ARHGAP35: variants seen among roughly 807,000 people sequenced by gnomAD.
The protein encoded by ARHGAP35 is Rho GTPase activating protein 35, also known as rho GTPase-activating protein 35.
In ARHGAP35, 15 loss-of-function variants were observed where a neutral mutation model predicts 111.1. The observed-to-expected ratio is 0.13, with a 90% CI of 0.09 to 0.21. The LOEUF (loss-of-function observed/expected upper bound fraction) is 0.21, where lower values mean the gene tolerates loss of function less well. Among genes scored for constraint, ARHGAP35 ranks in the 10% least tolerant of loss-of-function variants. The probability of loss-of-function intolerance (pLI) is 1.00; values close to 1 mark genes in which losing one functional copy is unlikely to be tolerated. For synonymous variants in ARHGAP35, 643 were observed against 710.3 expected, an observed-to-expected ratio of 0.91 and a Z score of 1.51; for missense variants, 1,262 against 1,873.0, an observed-to-expected ratio of 0.67 and a Z score of 6.02.
chr19:46,995,919 G>A (rs1337895522), intron 5 of ARHGAP35, among the ~76,000 whole-genome samples: 1 of 152,186 alleles, frequency 6.6e-6, no homozygotes, highest in South Asian at 2.1e-4. Context: ...GAGCAGAAGG[G>A]CCTCTCGCCC....
At chr19:46,883,103 T>C (rs896060968) in intron 1 of ARHGAP35, among the ~76,000 whole-genome samples, 4 of 148,598 alleles carry the variant, frequency 2.7e-5, no homozygotes, top group Non-Finnish European at 6.0e-5. Context: ...GCCTAATTTC[T>C]TTTTTTTTTG....
intron 5 of ARHGAP35, among the ~76,000 whole-genome samples, chr19:46,996,590 A>G (rs984177849): frequency 1.3e-5 from 2 of 152,148 alleles, no homozygotes; most frequent in Non-Finnish European, 1.5e-5. Context: ...CCCAGCTCTT[A>G]TGTAAAGGTG....
intron 1 of ARHGAP35, among the ~76,000 whole-genome samples, chr19:46,874,368 G>T (rs2055904387): frequency 2.0e-5 from 3 of 152,196 alleles, no homozygotes; most frequent in South Asian, 2.1e-4. Context: ...GTTTTTACTT[G>T]ATCTTATCTT....
At chr19:46,937,542 T>G in intron 3 of ARHGAP35, 134 bp downstream of exon 3, 1 of 985,576 alleles carries the variant, frequency 1.0e-6, no homozygotes, top group Non-Finnish European at 1.5e-6. Flanking sequence ...AGCTGAGCAG[T>G]CCCAACAGTT....
rs1441425988 is a variant in ARHGAP35, at chr19:46,989,329, G to A, written c.3905-215G>A. On this transcript the variant is annotated intron_variant, in intron 4 of 6. Coordinates refer to ENST00000672722, the MANE Select transcript of ARHGAP35 (RefSeq NM_004491.5). This position sits in a 1 kb window ranked among gnomAD's most constrained non-coding sequence, Gnocchi z 5.3. Reference sequence around the variant, plus strand: ...TGCCCCGAGAGTGGTAGAAGGGGCAGTTCAGCAGTCTCGGAAAGAGGTGCT... The same window carrying A: ...TGCCCCGAGAGTGGTAGAAGGGGCAATTCAGCAGTCTCGGAAAGAGGTGCT... 1.9e-6 allele frequency: 1 copy of A among 539,888 alleles called. No individual in the cohort carries two copies. Among genetic ancestry groups the A allele is most frequent in the East Asian group, 3.4e-5 (1 of 29,412 alleles). 33.4% of individuals were successfully genotyped at this position (539,888 alleles called of 1,614,324 possible).
intron 3 of ARHGAP35, among the ~76,000 whole-genome samples, chr19:46,973,589 G>A (rs1055981584): frequency 6.6e-6 from 1 of 152,046 alleles, no homozygotes; most frequent in Non-Finnish European, 1.5e-5. Flanking sequence ...TACTCGGGAG[G>A]CTGAGGCAGG....
intron 3 of ARHGAP35, among the ~76,000 whole-genome samples, chr19:46,949,969 A>C (rs111899773): frequency 6.6e-6 from 1 of 152,210 alleles, no homozygotes; most frequent in African/African-American, 2.4e-5. Flanking sequence ...TCTCCTTGAA[A>C]TATAACACAC....
chr19:46,919,966 G>A lies in ARHGAP35; in HGVS notation c.1291G>A (p.Glu431Lys). 6.2e-7 allele frequency: 1 copy of A among 1,613,950 alleles called. No homozygotes were observed. Among genetic ancestry groups the A allele is most frequent in the Non-Finnish European group, 8.5e-7 (1 of 1,179,856 alleles). Residue 431 changes from glutamate (E) to lysine (K), a missense_variant, in exon 2 of 7, where the codon GAG (glutamate) becomes AAG (lysine). Physicochemically the swap from Glu to Lys is moderately conservative, Grantham distance 56 (BLOSUM62 1). Transcript: ENST00000672722. The surrounding 1 kb of genome is among the most constrained non-coding windows in gnomAD (Gnocchi z 6.2). ...GCTGAGGAACGAAAGGAAAAGAGTT[G>A]AGATGCGAAGGGCGTTTAAAGAAAA... ...EKLRNERKRV[E>K]MRRAFKENLE...
At chr19:46,881,203 G>A (rs2055960934) in intron 1 of ARHGAP35, among the ~76,000 whole-genome samples, 1 of 152,128 alleles carries the variant, frequency 6.6e-6, no homozygotes, top group South Asian at 2.1e-4. Context: ...GCCTCCCAAA[G>A]TGCAGGGATT....
rs2056084217 is a variant in ARHGAP35, at chr19:46,901,680, G to A, written c.-188-16808G>A. On this transcript the variant is annotated intron_variant, in intron 1 of 6. Coordinates refer to ENST00000672722, the MANE Select transcript of ARHGAP35 (RefSeq NM_004491.5). This position sits in a 1 kb window ranked among gnomAD's most constrained non-coding sequence, Gnocchi z 4.5. ...TCCAGGCGATCTAGATTCCCTGGCAGCAGATACGTTGGCTTTCTCAGCTGT... is the reference window on the plus strand; with the variant it reads ...TCCAGGCGATCTAGATTCCCTGGCAACAGATACGTTGGCTTTCTCAGCTGT... Among the ~76,000 whole-genome samples, 1 of 152,222 alleles carries A rather than the reference G, an allele frequency of 6.6e-6. No homozygotes were observed.
At chr19:46,997,550 C>T (rs774372338) in intron 5 of ARHGAP35, 2 of 152,214 alleles carry the variant, frequency 1.3e-5, no homozygotes, top group African/African-American at 2.4e-5. Flanking sequence ...GACAAGGAGA[C>T]TCACCCTAAG....
rs753637967 is a variant in ARHGAP35, at chr19:46,919,780, C to T, written c.1105C>T (p.Leu369Phe). The T allele has an allele frequency of 1.1e-5, 17 of 1,613,878 alleles. No individual in the cohort carries two copies. Among genetic ancestry groups the T allele is most frequent in the Non-Finnish European group, 1.4e-5 (17 of 1,179,894 alleles). ...DHLSCIKAKK[L>F]LETKPEFLKW... ...CCTAAGCTGCATAAAAGCCAAAAAG[C>T]TCTTAGAAACCAAGCCAGAATTCTT... The change falls in exon 2 of 7, where the codon CTC becomes TTC. Residue 369 changes from leucine (L) to phenylalanine (F), a missense_variant. This residue lies in a region of ARHGAP35 where 328 missense variants were observed against 440.8 expected (regional missense o/e 0.74). Transcript: ENST00000672722. The surrounding 1 kb of genome is among the most constrained non-coding windows in gnomAD (Gnocchi z 6.2).
chr19:46,888,056 A>G (rs2122146203), intron 1 of ARHGAP35, among the ~76,000 whole-genome samples: 1 of 147,852 alleles, frequency 6.8e-6, no homozygotes, highest in East Asian at 2.0e-4. Flanking sequence ...GGTTCATGCC[A>G]TTCTCCTGCC....
chr19:46,979,136 G>A (rs1226460447), intron 3 of ARHGAP35, among the ~76,000 whole-genome samples: 1 of 151,842 alleles, frequency 6.6e-6, no homozygotes, highest in East Asian at 1.9e-4. Context: ...TAGTACACCT[G>A]TATTGTGCTC....
At chr19:46,937,893 G>A (rs2056319463) in intron 3 of ARHGAP35, among the ~76,000 whole-genome samples, 1 of 152,174 alleles carries the variant, frequency 6.6e-6, no homozygotes, top group South Asian at 2.1e-4. Context: ...TTTTTCTGAG[G>A]TAAGAAAATG....
At chr19:46,894,445 GTTTT>G (rs35723876) in intron 1 of ARHGAP35, among the ~76,000 whole-genome samples, 1 of 108,102 alleles carries the variant, frequency 9.3e-6, no homozygotes, top group African/African-American at 3.6e-5. Context: ...CTGTTTTTTG[GTTTT>G]TTTTTTTTTT....
rs573312142 is a variant in ARHGAP35 at position 46,880,289 on chromosome 19, G to A, written c.-189+19080G>A. Among the ~76,000 whole-genome samples, 16 of 150,340 alleles carry A rather than the reference G, an allele frequency of 1.1e-4. No homozygotes were observed. In the South Asian group the frequency reaches 2.7e-3, roughly 26 times the overall value. On this transcript the variant is annotated intron_variant, in intron 1 of 6. Coordinates refer to ENST00000672722, the MANE Select transcript of ARHGAP35 (RefSeq NM_004491.5). ...CTCTACTAAAAATACAAAATTTGCC[G>A]AGCATGGTGGTGCATGCCTGTAATC...
At chr19:46,985,096 C>G (rs2056642024) in intron 3 of ARHGAP35, among the ~76,000 whole-genome samples, 1 of 152,182 alleles carries the variant, frequency 6.6e-6, no homozygotes, top group South Asian at 2.1e-4. Flanking sequence ...GGGAAAATAA[C>G]TTAGATTTAG....
rs1464840208 is a variant in ARHGAP35 at position 46,928,835 on chromosome 19, G to A, written c.3681+6479G>A. Among the ~76,000 whole-genome samples the A allele has an allele frequency of 2.0e-5, 3 of 152,190 alleles. No individual in the cohort carries two copies. The South Asian group carries it at 6.2e-4, about 32-fold the overall frequency. ...TAATCCCAGCTACTCGGGAGGCTGAGGCAAGAGAATCTCTTGAACCCGGGA... is the reference window on the plus strand; with the variant it reads ...TAATCCCAGCTACTCGGGAGGCTGAAGCAAGAGAATCTCTTGAACCCGGGA... On this transcript the variant is annotated intron_variant, in intron 2 of 6. Coordinates refer to ENST00000672722, the MANE Select transcript of ARHGAP35 (RefSeq NM_004491.5).
Sources: gnomAD v4.1 joint callset for allele counts (sites outside exome capture counted in the v4.1 genomes callset) on GRCh38, gnomAD v4.1.1 for gene constraint, gnomAD v4.1.1 regional missense constraint, Gnocchi (gnomAD v3.1) non-coding constraint, MANE v1.5 for transcripts, NCBI Gene and HGNC (gene_info 2026-07-23, HGNC 2026-07-21) for gene names.